Variants in SERPINB12 observed in about 807,000 individuals in gnomAD.
SERPINB12 encodes serpin family B member 12, also known as serpin B12.
A neutral mutation model predicts 41.1 loss-of-function variants in SERPINB12; 57 were observed. The ratio of observed to expected loss-of-function variants is 1.39; its 90% CI spans 1.12 to 1.73. SERPINB12 has a LOEUF of 1.73. SERPINB12 is among the 40% of genes most tolerant of loss of function. The pLI is 0.00. For synonymous variants in SERPINB12, 180 were observed against 181.3 expected (o/e 0.99, Z 0.06); for missense variants, 536 against 501.9 (o/e 1.07, Z -0.65).
Position 63,558,418 on chromosome 18 carries a change from A to G in SERPINB12, c.235A>G (p.Lys79Glu). Residue 79 changes from lysine (K) to glutamate (E), a missense_variant, in exon 3 of 8, where the codon AAA becomes GAA. By Grantham distance (56) the Lys-to-Glu change is moderately conservative (BLOSUM62 1). Coordinates refer to ENST00000382768, the MANE Select transcript of SERPINB12 (RefSeq NM_001307928.2). ...ACCTGACCCTTGTCTGAAAAGCAAC[A>G]AACAAAAAGTGCTGGCTGACAGCTC... is the stretch of plus-strand genomic sequence containing the variant. ...KEPDPCLKSN[K>E]QKVLADSSLE... is the part of the protein sequence containing the mutation. The G allele has an allele frequency of 1.2e-6, 2 of 1,614,034 alleles. No individual in the cohort carries two copies. Among genetic ancestry groups the G allele is most frequent in the Non-Finnish European group, 1.7e-6 (2 of 1,179,898 alleles).
At chr18:63,538,652 T>C (rs1288906006), upstream of SERPINB12, among the ~76,000 whole-genome samples, 2 of 152,122 alleles carry the variant, frequency 1.3e-5, no homozygotes, top group Non-Finnish European at 2.9e-5. Flanking sequence ...GCTATGAACA[T>C]TTGTGTACAA....
chr18:63,541,408 A>G (rs780853366), upstream of SERPINB12, among the ~76,000 whole-genome samples: 5 of 152,156 alleles, frequency 3.3e-5, no homozygotes, highest in Non-Finnish European at 7.4e-5. Flanking sequence ...TTTTGAGTGT[A>G]CTGTCCTAAA....
chr18:63,525,821 C>T, the SERPINB12 span, among the ~76,000 whole-genome samples: 1 of 152,060 alleles, frequency 6.6e-6, no homozygotes, highest in Non-Finnish European at 1.5e-5. Flanking sequence ...ATTTATCACC[C>T]AAGTAAGAAC....
the SERPINB12 span, among the ~76,000 whole-genome samples, chr18:63,535,448 A>G: frequency 6.6e-6 from 1 of 152,190 alleles, no homozygotes; most frequent in Non-Finnish European, 1.5e-5. Context: ...AATCATGAGG[A>G]AACTTAAAAA....
At chr18:63,566,380 C>T (rs1911097816) in intron 7 of SERPINB12, among the ~76,000 whole-genome samples, 1 of 152,200 alleles carries the variant, frequency 6.6e-6, no homozygotes, top group Admixed American at 6.5e-5. Context: ...GAACACTTGT[C>T]TCTCAAACAC....
intron 5 of SERPINB12, 82 bp from the exon 6 acceptor site, chr18:63,563,896 C>CAAAA (rs72103593): frequency 1.9e-6 from 2 of 1,035,846 alleles, no homozygotes; most frequent in Non-Finnish European, 2.6e-6. Context: ...AACTCTGTCT[C>CAAAA]AAAAAAAAAA....
At chr18:63,530,525 A>T in the SERPINB12 span, among the ~76,000 whole-genome samples, 2 of 152,152 alleles carry the variant, frequency 1.3e-5, no homozygotes, top group African/African-American at 4.8e-5. Flanking sequence ...CTAGAATGAT[A>T]CTTCTTTAAA....
the SERPINB12 span, among the ~76,000 whole-genome samples, chr18:63,521,571 G>A: frequency 6.6e-6 from 1 of 152,166 alleles, no homozygotes; most frequent in Non-Finnish European, 1.5e-5. Context: ...AAAGCACTGG[G>A]CCAGCATTAG....
chr18:63,550,016 AAT>A (rs1378640993), intron 1 of SERPINB12, among the ~76,000 whole-genome samples: 1 of 152,228 alleles, frequency 6.6e-6, no homozygotes, highest in Non-Finnish European at 1.5e-5. Context: ...TTTTTTGAAA[AAT>A]AGAGACAATA....
the SERPINB12 span, among the ~76,000 whole-genome samples, chr18:63,525,738 A>C: frequency 1.3e-5 from 2 of 152,166 alleles, no homozygotes; most frequent in African/African-American, 4.8e-5. Context: ...GAAAACTGCA[A>C]TATTCAACAG....
chr18:63,519,772 C>A, the SERPINB12 span, among the ~76,000 whole-genome samples: 13 of 152,178 alleles, frequency 8.5e-5, no homozygotes, highest in Non-Finnish European at 2.9e-5. Context: ...TTTCATATGT[C>A]TCAGCATCTC....
At chr18:63,563,810 C>T (rs1910995155) in intron 5 of SERPINB12, among the ~76,000 whole-genome samples, 168 bp from the exon 6 acceptor site, 1 of 151,708 alleles carries the variant, frequency 6.6e-6, no homozygotes, top group African/African-American at 2.4e-5. Flanking sequence ...GCAGGAGAAT[C>T]GCTTGAACCC....
At chr18:63,523,527 T>C in the SERPINB12 span, among the ~76,000 whole-genome samples, 1 of 152,184 alleles carries the variant, frequency 6.6e-6, no homozygotes, top group Non-Finnish European at 1.5e-5. Flanking sequence ...AAGTTATGAA[T>C]GTACACCATA....
intron 5 of SERPINB12, among the ~76,000 whole-genome samples, chr18:63,561,510 G>A (rs1408289309): frequency 1.3e-5 from 2 of 152,184 alleles, no homozygotes; most frequent in African/African-American, 2.4e-5. Flanking sequence ...AAACAGAGCT[G>A]TCATTCGACC....
At chr18:63,565,120 G>A (rs1193426347) in intron 6 of SERPINB12, among the ~76,000 whole-genome samples, 1 of 152,170 alleles carries the variant, frequency 6.6e-6, no homozygotes, top group Non-Finnish European at 1.5e-5. Flanking sequence ...CCGGGAGGGT[G>A]AGGCTGCAGT....
At chr18:63,540,879 G>A (rs1036729242), upstream of SERPINB12, among the ~76,000 whole-genome samples, 1 of 152,130 alleles carries the variant, frequency 6.6e-6, no homozygotes, top group African/African-American at 2.4e-5. Context: ...CTAGGTTTAA[G>A]TATTAAATGT....
intron 6 of SERPINB12, among the ~76,000 whole-genome samples, chr18:63,564,398 A>G (rs1310816506): frequency 6.6e-6 from 1 of 152,212 alleles, no homozygotes; most frequent in Non-Finnish European, 1.5e-5. Context: ...AAAAAAGGAA[A>G]GGCTAAGTTA....
the SERPINB12 span, among the ~76,000 whole-genome samples, chr18:63,519,262 A>T: frequency 1.3e-5 from 2 of 152,130 alleles, no homozygotes; most frequent in Non-Finnish European, 2.9e-5. Flanking sequence ...GGAGACAGGG[A>T]CCACCCTAGT....
chr18:63,548,905 A>G (rs1910454004), intron 1 of SERPINB12, among the ~76,000 whole-genome samples: 1 of 152,124 alleles, frequency 6.6e-6, no homozygotes, highest in Non-Finnish European at 1.5e-5. Flanking sequence ...TAGAAATCCC[A>G]TGTTGAAGAA....
Sources: allele counts gnomAD v4.1 joint callset (sites outside exome capture counted in the v4.1 genomes callset), GRCh38; gene constraint gnomAD v4.1.1; transcripts MANE v1.5; gene names NCBI Gene and HGNC (gene_info 2026-07-23, HGNC 2026-07-21).